PARN: variants seen among roughly 807,000 people sequenced by gnomAD.
PARN encodes poly(A)-specific ribonuclease PARN.
Under a neutral mutation model 102.8 loss-of-function variants are expected in PARN, and 71 were observed. The observed-to-expected ratio is 0.69, with a 90% CI of 0.57 to 0.84. PARN has a LOEUF of 0.84. Among genes scored for constraint, PARN ranks in the 40% least tolerant of loss-of-function variants. The pLI is 0.00. For missense variants in PARN, 782 were observed against 760.9 expected, an observed-to-expected ratio of 1.03 and a Z score of -0.33; for synonymous variants, 261 against 252.9, an observed-to-expected ratio of 1.03 and a Z score of -0.30.
At chr16:14,580,798 T>G in intron 18 of PARN, 76 bp downstream of exon 18, 1 of 818,734 alleles carries the variant, frequency 1.2e-6, no homozygotes. Flanking sequence ...TCCCAATAAC[T>G]CCAAACTGAC....
At chr16:14,554,960 A>G (rs1414535083) in intron 19 of PARN, among the ~76,000 whole-genome samples, 1 of 152,208 alleles carries the variant, frequency 6.6e-6, no homozygotes, top group Non-Finnish European at 1.5e-5. Context: ...AAGAGATCTA[A>G]CCACTCTAAC....
At chr16:14,471,545 T>A (rs1962741912) in intron 22 of PARN, among the ~76,000 whole-genome samples, 1 of 152,186 alleles carries the variant, frequency 6.6e-6, no homozygotes, top group African/African-American at 2.4e-5. Flanking sequence ...AAAGTACACA[T>A]AAAATTTAGT....
At chr16:14,528,595 G>C (rs1197991519) in intron 21 of PARN, among the ~76,000 whole-genome samples, 1 of 152,132 alleles carries the variant, frequency 6.6e-6, no homozygotes, top group Non-Finnish European at 1.5e-5. Flanking sequence ...ATATTTTATT[G>C]TCTGGATTTC....
intron 18 of PARN, among the ~76,000 whole-genome samples, chr16:14,576,991 T>A (rs1969183620): frequency 6.6e-6 from 1 of 152,252 alleles, no homozygotes; most frequent in African/African-American, 2.4e-5. Flanking sequence ...GCATAACTGA[T>A]GCTACTAAAT....
intron 22 of PARN, among the ~76,000 whole-genome samples, chr16:14,447,601 A>G (rs1961259625): frequency 6.6e-6 from 1 of 152,226 alleles, no homozygotes; most frequent in Admixed American, 6.5e-5. Flanking sequence ...TCCTTTCCAA[A>G]AAGATGACTT....
chr16:14,619,373 T>A (rs969658620), intron 5 of PARN, among the ~76,000 whole-genome samples: 2 of 145,966 alleles, frequency 1.4e-5, no homozygotes, highest in Non-Finnish European at 3.0e-5. Flanking sequence ...GCTGAGGTGG[T>A]TGCATCGCTG....
chr16:14,607,301 G>A (rs1329376857), intron 9 of PARN, among the ~76,000 whole-genome samples: 2 of 151,994 alleles, frequency 1.3e-5, no homozygotes, highest in Non-Finnish European at 2.9e-5. Flanking sequence ...TCTGCCTCCA[G>A]GGTTCAAGAG....
At chr16:14,618,045 G>A (rs956108419) in intron 5 of PARN, among the ~76,000 whole-genome samples, 3 of 152,028 alleles carry the variant, frequency 2.0e-5, no homozygotes, top group East Asian at 1.9e-4. Flanking sequence ...TGGGTAGACC[G>A]GCACAGTGGC....
intron 22 of PARN, among the ~76,000 whole-genome samples, chr16:14,477,706 G>C (rs1963144267): frequency 6.6e-6 from 1 of 151,772 alleles, no homozygotes; most frequent in Non-Finnish European, 1.5e-5. Context: ...TTGAACCAGG[G>C]AGTTGGAGGT....
intron 12 of PARN, 143 bp downstream of exon 12, chr16:14,599,761 C>CTA: frequency 1.9e-6 from 1 of 528,426 alleles, no homozygotes; most frequent in East Asian, 3.1e-5. Context: ...TAACAACAGT[C>CTA]TATCTTGATG....
chr16:14,608,845 G>A (rs1032325931), intron 8 of PARN, among the ~76,000 whole-genome samples: 7 of 152,122 alleles, frequency 4.6e-5, no homozygotes, highest in African/African-American at 1.7e-4. Context: ...AGTTTTCTCC[G>A]CTCCAAGTAC....
chr16:14,503,069 C>T (rs1010252870), intron 21 of PARN, among the ~76,000 whole-genome samples: 2 of 152,098 alleles, frequency 1.3e-5, no homozygotes, highest in Non-Finnish European at 2.9e-5. Flanking sequence ...TTCTGCCCCC[C>T]TCACCCCGCT....
intron 23 of PARN, among the ~76,000 whole-genome samples, chr16:14,444,523 T>C (rs1419609242): frequency 6.6e-6 from 1 of 152,190 alleles, no homozygotes; most frequent in Non-Finnish European, 1.5e-5. Flanking sequence ...TGCAGTCTAT[T>C]ATTAGTTATT....
intron 22 of PARN, among the ~76,000 whole-genome samples, chr16:14,463,509 T>C (rs976290294): frequency 6.6e-6 from 1 of 152,128 alleles, no homozygotes; most frequent in Non-Finnish European, 1.5e-5. Context: ...GTGGAACTGA[T>C]ACACATGTTA....
intron 9 of PARN, among the ~76,000 whole-genome samples, chr16:14,607,497 C>T (rs1485316302): frequency 1.3e-5 from 2 of 152,090 alleles, no homozygotes; most frequent in South Asian, 2.1e-4. Context: ...AGTGAGCCAC[C>T]GCGCCCGGCC....
intron 12 of PARN, among the ~76,000 whole-genome samples, chr16:14,598,947 T>G (rs2151777814): frequency 6.6e-6 from 1 of 152,176 alleles, no homozygotes; most frequent in East Asian, 1.9e-4. Flanking sequence ...CTACAGGCAA[T>G]TCAGCATCCA....
intron 18 of PARN, among the ~76,000 whole-genome samples, chr16:14,557,599 T>C (rs890899183): frequency 1.9e-4 from 28 of 149,044 alleles, no homozygotes; most frequent in Non-Finnish European, 1.6e-4. Flanking sequence ...CAAAAGCTAG[T>C]TTACAAATGG....
chr16:14,437,720 T>C (rs1386306482), intron 23 of PARN, among the ~76,000 whole-genome samples: 1 of 152,206 alleles, frequency 6.6e-6, no homozygotes. Context: ...GTCTCTCTTC[T>C]AGCTGCTAAC....
intron 21 of PARN, among the ~76,000 whole-genome samples, chr16:14,491,499 C>T (rs1215437968): frequency 6.6e-6 from 1 of 152,144 alleles, no homozygotes; most frequent in Non-Finnish European, 1.5e-5. Context: ...CATAGTGGCT[C>T]ATGCCTGTAA....
Sources: allele counts gnomAD v4.1 joint callset (sites outside exome capture counted in the v4.1 genomes callset), GRCh38; gene constraint gnomAD v4.1.1; transcripts MANE v1.5; gene names NCBI Gene and HGNC (gene_info 2026-07-23, HGNC 2026-07-21).